The following DGKK variants were observed in gnomAD, a reference collection of about 807,000 sequenced individuals.
DGKK encodes the protein diacylglycerol kinase kappa.
A neutral mutation model predicts 92.2 loss-of-function variants in DGKK; 35 were observed. That is an observed-to-expected ratio of 0.38 (90% confidence interval 0.29 to 0.50). The LOEUF (loss-of-function observed/expected upper bound fraction) is 0.50, where lower values mean the gene tolerates loss of function less well. Among genes scored for constraint, DGKK ranks in the 20% least tolerant of loss-of-function variants. DGKK has a pLI of 0.92. For synonymous variants in DGKK, 368 were observed against 360.6 expected (o/e 1.02, Z -0.23); for missense variants, 910 against 992.2 (o/e 0.92, Z 1.11).
At chrX:50,378,834 G>T in intron 20 of DGKK, 143 bp from the exon 21 acceptor site, 1 of 480,173 alleles carries the variant, frequency 2.1e-6, no homozygotes, top group Non-Finnish European at 3.6e-6. Flanking sequence ...AAGGGAAAAA[G>T]ATGAGGTCAG....
intron 2 of DGKK, 36 bp downstream of exon 2, chrX:50,424,212 A>T (rs781988057): frequency 2.6e-6 from 3 of 1,155,348 alleles, no homozygotes; most frequent in Non-Finnish European, 3.5e-6. Flanking sequence ...CCTGGCACCC[A>T]CCCATTAATC....
chrX:50,421,480 G>A (rs782075793), intron 3 of DGKK, among the ~76,000 whole-genome samples: 1 of 112,175 alleles, frequency 8.9e-6, no homozygotes, highest in East Asian at 2.8e-4. Context: ...CCATTCTTGA[G>A]TGGGGCTGAT....
intron 1 of DGKK, among the ~76,000 whole-genome samples, chrX:50,448,420 C>T (rs782601532): frequency 1.6e-4 from 18 of 110,662 alleles, no homozygotes; most frequent in African/African-American, 4.6e-4. Context: ...ATTAATTATC[C>T]GAGAATGCCC....
Position 50,371,968 on chromosome X carries a change from G to A in DGKK, c.3502-134C>T, listed in dbSNP as rs1410399475. On this transcript the variant is annotated intron_variant, in intron 25 of 27. Transcript: ENST00000611977. ...CCAACTTGTATCCCTTTGGCCCATA[G>A]CCAGCTGTTTTCTTTCTCAAAAGGA... is the stretch of plus-strand genomic sequence containing the variant. 1.2e-5 allele frequency: 5 copies of A among 416,417 alleles called. No homozygotes were observed. In the Admixed American group the frequency reaches 2.3e-4, roughly 19 times the overall value. The allele number at this position is 416,417 out of a possible 1,213,427, so 34.3% of individuals were successfully genotyped here. A position where few individuals can be genotyped will look rare whatever the true frequency, so the allele number is the denominator to read the frequency against.
At chrX:50,398,184 A>C (rs1569544447) in intron 8 of DGKK, among the ~76,000 whole-genome samples, 1 of 111,819 alleles carries the variant, frequency 8.9e-6, no homozygotes, top group Non-Finnish European at 1.9e-5. Flanking sequence ...TCATGACTTC[A>C]GCTGGGTGCT....
intron 1 of DGKK, among the ~76,000 whole-genome samples, chrX:50,445,121 C>CTTT (rs57163220): frequency 2.5e-4 from 17 of 67,456 alleles, no homozygotes; most frequent in African/African-American, 3.1e-4. Context: ...CCTTTGCCCA[C>CTTT]TTTTTTTTTT....
At chrX:50,380,182 CA>C in intron 18 of DGKK, 105 bp from the exon 19 acceptor site, 2 of 652,742 alleles carry the variant, frequency 3.1e-6, no homozygotes, top group Non-Finnish European at 4.8e-6. Flanking sequence ...TGCCTTCTTA[CA>C]GAGAGGAGTC....
At chrX:50,461,351 G>A (rs782072312) in intron 1 of DGKK, among the ~76,000 whole-genome samples, 2 of 112,249 alleles carry the variant, frequency 1.8e-5, no homozygotes, top group South Asian at 7.4e-4. Context: ...ACACAATTGT[G>A]CATTCCCCAA....
chrX:50,416,330 G>A (rs1925433578), intron 4 of DGKK, among the ~76,000 whole-genome samples: 1 of 112,238 alleles, frequency 8.9e-6, no homozygotes, highest in African/African-American at 3.2e-5. Flanking sequence ...ATTCCTTTCA[G>A]CATAATCGAG....
intron 26 of DGKK, among the ~76,000 whole-genome samples, chrX:50,371,061 T>C (rs1388664313): frequency 2.7e-5 from 3 of 112,837 alleles, no homozygotes; most frequent in Non-Finnish European, 5.6e-5. Context: ...CTGTCTGGAA[T>C]GCAAAGAGAG....
intron 17 of DGKK, among the ~76,000 whole-genome samples, chrX:50,383,702 C>T (rs1225459203): frequency 2.7e-5 from 3 of 111,177 alleles, no homozygotes; most frequent in Admixed American, 1.9e-4. Flanking sequence ...TGGCTGCTGC[C>T]GATATTCTAA....
At chrX:50,413,561 C>G (rs1925355248) in intron 4 of DGKK, among the ~76,000 whole-genome samples, 1 of 111,936 alleles carries the variant, frequency 8.9e-6, no homozygotes, top group South Asian at 3.8e-4. Flanking sequence ...ACAGATATTT[C>G]TCAAAAGAAG....
chrX:50,408,540 G>A (rs1039998394), intron 4 of DGKK, among the ~76,000 whole-genome samples: 3 of 109,873 alleles, frequency 2.7e-5, no homozygotes, highest in African/African-American at 9.9e-5. Flanking sequence ...CACCACGCCC[G>A]GCTAATTTTT....
At chrX:50,435,708 AGTGTGT>A (rs200146292) in intron 1 of DGKK, among the ~76,000 whole-genome samples, 4 of 95,889 alleles carry the variant, frequency 4.2e-5, no homozygotes, top group African/African-American at 1.4e-4. Flanking sequence ...TGGGAAAAGG[AGTGTGT>A]GTGTGTATGT....
intron 1 of DGKK, among the ~76,000 whole-genome samples, chrX:50,432,954 C>G (rs1248222949): frequency 1.8e-5 from 2 of 111,814 alleles, no homozygotes; most frequent in Non-Finnish European, 3.8e-5. Flanking sequence ...GGTGAGCAAT[C>G]TGAGCCCAGG....
Position 50,420,440 on chromosome X carries a change from T to A in DGKK, c.905A>T (p.Asn302Ile). Reference protein sequence around the residue: ...PNRKDMEEWINIIKTIQQGEI... With the variant: ...PNRKDMEEWIIIIKTIQQGEI... The stretch of plus-strand genomic sequence containing the variant: ...TCCCTGTTGGATGGTTTTTATGATG[T>A]TAATCCATTCTTCCATGTCTTTCCG... The change falls in exon 4 of 28, where the codon AAC becomes ATC. Residue 302 changes from asparagine to isoleucine, a missense_variant. Asn to Ile is a moderately radical substitution (Grantham distance 149). Coordinates refer to ENST00000611977, the MANE Select transcript of DGKK (RefSeq NM_001013742.4). 4.1e-6 allele frequency: 5 copies of A among 1,211,061 alleles called. No individual in the cohort carries two copies. Among genetic ancestry groups the A allele is most frequent in the Non-Finnish European group, 5.6e-6 (5 of 894,862 alleles).
chrX:50,368,970 A>T lies in DGKK; in HGVS notation c.3786T>A (p.Asp1262Glu), dbSNP rs782026295. ...GTTGAGATCTCGATGGTGTTAGAGGATCATCACCCTCTGCTTCATCTTCAC... is the reference window on the plus strand; with the variant it reads ...GTTGAGATCTCGATGGTGTTAGAGGTTCATCACCCTCTGCTTCATCTTCAC... ...RHREDEAEGDDPLTPSRSQL is the reference protein window; with the variant it reads ...RHREDEAEGDEPLTPSRSQL Residue 1262 changes from aspartate (D) to glutamate (E), a missense_variant, in exon 28 of 28, where the codon GAT (aspartate) becomes GAA (glutamate). Transcript: ENST00000611977. The T allele has an allele frequency of 1.7e-6, 2 of 1,208,746 alleles. No individual in the cohort carries two copies. Among genetic ancestry groups the T allele is most frequent in the Non-Finnish European group, 2.2e-6 (2 of 893,919 alleles).
At chrX:50,391,886 A>G (rs1557225576) in intron 10 of DGKK, among the ~76,000 whole-genome samples, 2 of 112,284 alleles carry the variant, frequency 1.8e-5, no homozygotes, top group Admixed American at 1.9e-4. Context: ...GGGCTGGGCC[A>G]AGGAGGTGAA....
chrX:50,416,247 A>G (rs1035356033), intron 4 of DGKK, among the ~76,000 whole-genome samples: 2 of 111,876 alleles, frequency 1.8e-5, no homozygotes, highest in Non-Finnish European at 3.8e-5. Flanking sequence ...AGTCTATGGT[A>G]TTTTTATTAT....
Sources: allele counts gnomAD v4.1 joint callset (sites outside exome capture counted in the v4.1 genomes callset), GRCh38; gene constraint gnomAD v4.1.1; transcripts MANE v1.5; gene names NCBI Gene and HGNC (gene_info 2026-07-23, HGNC 2026-07-21).